PLEKHA8: variants seen among roughly 807,000 people sequenced by gnomAD.
PLEKHA8 encodes pleckstrin homology domain-containing family A member 8.
Under a neutral mutation model 68.2 loss-of-function variants are expected in PLEKHA8, and 36 were observed. The observed-to-expected ratio is 0.53, with a 90% CI of 0.40 to 0.70. PLEKHA8 has a LOEUF of 0.70. Ranked by LOEUF, PLEKHA8 falls within the 30% of genes least tolerant of loss-of-function variation. The pLI is 0.00. For missense variants in PLEKHA8, 505 were observed against 615.4 expected (o/e 0.82, Z 1.90); for synonymous variants, 211 against 216.1 (o/e 0.98, Z 0.20).
intron 13 of PLEKHA8, among the ~76,000 whole-genome samples, chr7:30,075,553 T>G (rs1002041369): frequency 6.6e-6 from 1 of 152,214 alleles, no homozygotes; most frequent in African/African-American, 2.4e-5. Context: ...AAGGTGCTAG[T>G]GCTTACCTCC....
downstream of PLEKHA8, among the ~76,000 whole-genome samples, chr7:30,087,224 A>G (rs1332786236): frequency 6.6e-6 from 1 of 152,140 alleles, no homozygotes; most frequent in African/African-American, 2.4e-5. Flanking sequence ...CCTTCCCTTG[A>G]TAATTGTGCT....
At chr7:30,056,781 GTGTGTA>G (rs1309286938) in intron 9 of PLEKHA8, among the ~76,000 whole-genome samples, 1,328 of 85,932 alleles carry the variant, frequency 0.015, 9 homozygotes, top group East Asian at 0.033. Flanking sequence ...GTGTGTGTGT[GTGTGTA>G]TATATATATG....
At chr7:30,077,350 C>T (rs1007540680) in intron 13 of PLEKHA8, among the ~76,000 whole-genome samples, 35 of 152,112 alleles carry the variant, frequency 2.3e-4, no homozygotes, top group African/African-American at 8.0e-4. Flanking sequence ...CTCCTATCCT[C>T]CAGTTCTGGG....
At chr7:30,034,198 T>C (rs111692540) in intron 1 of PLEKHA8, among the ~76,000 whole-genome samples, 24,489 of 151,478 alleles carry the variant, frequency 0.16, 2,002 homozygotes, top group Middle Eastern at 0.22. Context: ...TTAGTAGAGA[T>C]GGGGTTTCAC....
intron 7 of PLEKHA8, among the ~76,000 whole-genome samples, chr7:30,053,851 T>G (rs949616705): frequency 2.6e-5 from 4 of 152,218 alleles, no homozygotes; most frequent in Non-Finnish European, 5.9e-5. Flanking sequence ...AAGGTTAGGT[T>G]CCTGCAAGAC....
At chr7:30,042,816 A>G (rs1248388156) in intron 1 of PLEKHA8, among the ~76,000 whole-genome samples, 1 of 152,164 alleles carries the variant, frequency 6.6e-6, no homozygotes, top group Non-Finnish European at 1.5e-5. Context: ...CTAAGATATA[A>G]ATAAACACTT....
At chr7:30,119,379 A>G (rs1419682625) in intron 13 of PLEKHA8, among the ~76,000 whole-genome samples, 9 of 152,208 alleles carry the variant, frequency 5.9e-5, no homozygotes. Context: ...TAGCTAGTAC[A>G]TGAAAGCTCA....
At chr7:30,060,686 T>C (rs990756318) in intron 9 of PLEKHA8, among the ~76,000 whole-genome samples, 198 bp from the exon 10 acceptor site, 1 of 152,230 alleles carries the variant, frequency 6.6e-6, no homozygotes. Context: ...GGCCTCATTA[T>C]AACTCACCTT....
chr7:30,104,798 C>T (rs534484416), intron 13 of PLEKHA8, among the ~76,000 whole-genome samples: 10 of 146,578 alleles, frequency 6.8e-5, no homozygotes, highest in Non-Finnish European at 1.5e-4. Context: ...TCTTGGCTCA[C>T]TGCAATCTCC....
At chr7:30,030,438 C>A (rs1790574584) in intron 1 of PLEKHA8, among the ~76,000 whole-genome samples, 1 of 152,146 alleles carries the variant, frequency 6.6e-6, no homozygotes, top group African/African-American at 2.4e-5. Context: ...TAAAGCAGAA[C>A]TCTCTAGAAG....
Position 30,120,173 on chromosome 7 carries a change from A to C in PLEKHA8, c.1363-9093A>C, listed in dbSNP as rs574524772. On this transcript the variant is annotated intron_variant, in intron 13 of 13. Coordinates refer to the PLEKHA8 transcript ENST00000396257. Reference sequence around the variant, plus strand: ...CAAATAATTAAAAAAAAAAAAACAAAAAAAAAAACAGAAAATAACATGTTG... The same window carrying C: ...CAAATAATTAAAAAAAAAAAAACAACAAAAAAAACAGAAAATAACATGTTG... 1.9e-3 allele frequency among the ~76,000 whole-genome samples: 282 copies of C among 151,774 alleles called. 1 individual carries two copies. The highest frequency in any genetic ancestry group is 3.0e-3 in the Non-Finnish European group (204 of 67,944).
intron 12 of PLEKHA8, among the ~76,000 whole-genome samples, chr7:30,063,169 C>T (rs889372807): frequency 6.6e-6 from 1 of 152,194 alleles, no homozygotes; most frequent in African/African-American, 2.4e-5. Flanking sequence ...AGGTTTTCGT[C>T]GTCGTCGTGT....
intron 13 of PLEKHA8, among the ~76,000 whole-genome samples, chr7:30,099,022 C>T (rs1362730117): frequency 6.6e-6 from 1 of 152,350 alleles, no homozygotes; most frequent in Middle Eastern, 3.4e-3. Context: ...TCCCAAAGTT[C>T]TGGGATTACA....
rs538222975 is a variant in PLEKHA8, at chr7:30,049,333, A to G, written c.548A>G (p.Tyr183Cys). ...ANAAFTSELL[Y>C]RTPPGSPQLA... ...GCAGCCTTCACCTCTGAGCTGCTCT[A>G]CCGCACTCCACCAGGATCACCTCAG... Residue 183 changes from tyrosine (Y) to cysteine (C), a missense_variant, in exon 5 of 14, where the codon TAC becomes TGC. Physicochemically the swap from Tyr to Cys is radical, Grantham distance 194. Transcript: ENST00000449726. 17 of 1,614,148 alleles carry G rather than the reference A, an allele frequency of 1.1e-5. No individual in the cohort carries two copies. The highest frequency in any genetic ancestry group is 9.3e-5 in the African/African-American group (7 of 75,032).
chr7:30,052,128 C>T (rs2127978349), intron 6 of PLEKHA8, among the ~76,000 whole-genome samples: 2 of 152,300 alleles, frequency 1.3e-5, no homozygotes, highest in South Asian at 4.1e-4. Flanking sequence ...AACCAAAGAG[C>T]TGTCAATGAC....
At chr7:30,092,655 A>T (rs891063693), downstream of PLEKHA8, among the ~76,000 whole-genome samples, 1 of 151,516 alleles carries the variant, frequency 6.6e-6, no homozygotes, top group African/African-American at 2.4e-5. Flanking sequence ...TTCGGAGCAC[A>T]CTCTTATTCC....
At chr7:30,068,111 A>G (rs1241435668) in intron 12 of PLEKHA8, among the ~76,000 whole-genome samples, 2 of 152,204 alleles carry the variant, frequency 1.3e-5, no homozygotes, top group Non-Finnish European at 2.9e-5. Flanking sequence ...AGTGGTTCTC[A>G]AACTCTAACC....
chr7:30,107,722 T>C (rs1760840919), intron 13 of PLEKHA8, among the ~76,000 whole-genome samples: 1 of 152,168 alleles, frequency 6.6e-6, no homozygotes, highest in Non-Finnish European at 1.5e-5. Context: ...TAAGTTGCTT[T>C]CTCCATCTAG....
rs1198841144 is a variant in PLEKHA8, at chr7:30,056,360, CAT to C, written c.1039+1028_1039+1029del. On this transcript the variant is annotated intron_variant, in intron 9 of 13. Transcript: ENST00000449726. ...TAACATATATATAATATATATAACA[CAT>C]ATATATATAAATAACATATATATAA... Among the ~76,000 whole-genome samples, 141 of 122,226 alleles carry C rather than the reference CAT, an allele frequency of 1.2e-3. 2 individuals are homozygous for C. Among genetic ancestry groups the C allele is most frequent in the African/African-American group, 2.9e-3 (93 of 32,256 alleles). 80.2% of individuals were successfully genotyped at this position (122,226 alleles called of 152,430 possible).
Sources: allele counts gnomAD v4.1 joint callset (sites outside exome capture counted in the v4.1 genomes callset), GRCh38; gene constraint gnomAD v4.1.1; transcripts MANE v1.5; gene names NCBI Gene and HGNC (gene_info 2026-07-23, HGNC 2026-07-21).